Variants in CEP70 observed in about 807,000 individuals in gnomAD.
CEP70 encodes centrosomal protein 70.
CEP70 carries 70 observed loss-of-function variants against 90.9 expected under a neutral mutation model. That is an observed-to-expected ratio of 0.77 (90% confidence interval 0.64 to 0.94). CEP70 has a LOEUF of 0.94. Ranked by LOEUF, CEP70 falls within the 40% of genes least tolerant of loss-of-function variation. CEP70 has a pLI of 0.00. For missense variants in CEP70, 648 were observed against 669.0 expected (o/e 0.97, Z 0.35); for synonymous variants, 220 against 228.3 (o/e 0.96, Z 0.33).
chr3:138,541,430 G>GAAAAAAA (rs36091559), intron 6 of CEP70, among the ~76,000 whole-genome samples: 1 of 144,536 alleles, frequency 6.9e-6, no homozygotes, highest in African/African-American at 2.5e-5. Flanking sequence ...AAAAGAAAAA[G>GAAAAAAA]AAAAAAAAAA....
intron 2 of CEP70, among the ~76,000 whole-genome samples, chr3:138,574,498 C>T (rs1459959749): frequency 6.6e-6 from 1 of 152,250 alleles, no homozygotes; most frequent in Admixed American, 6.5e-5. Flanking sequence ...TCTGTAGACT[C>T]CACCTCTGGG....
chr3:138,559,069 T>C (rs547978570), intron 6 of CEP70, among the ~76,000 whole-genome samples: 10 of 152,282 alleles, frequency 6.6e-5, no homozygotes, highest in African/African-American at 2.4e-4. Flanking sequence ...AAATTTAATA[T>C]ATTCAGAGAC....
In CEP70 at chr3:138,571,023, C is replaced by A; in HGVS notation, c.284+11G>T. ...CAAACAATTCAAAAGAAATCTTTTC[C>A]ATTTTCTCACCTAAGCTGTTGATTA... On this transcript the variant is annotated intron_variant, in intron 5 of 17. Coordinates refer to ENST00000264982, the MANE Select transcript of CEP70 (RefSeq NM_024491.4). 1 of 1,518,308 alleles carries A rather than the reference C, an allele frequency of 6.6e-7. No individual in the cohort carries two copies. Among genetic ancestry groups the A allele is most frequent in the South Asian group, 1.4e-5 (1 of 72,454 alleles). The allele number at this position is 1,518,308 out of a possible 1,614,324, so 94.1% of individuals were successfully genotyped here.
In CEP70 at chr3:138,591,929, A is replaced by T; in HGVS notation, c.-81T>A. On this transcript the variant is annotated 5_prime_UTR_variant, in exon 2 of 18. Coordinates refer to ENST00000264982, the MANE Select transcript of CEP70 (RefSeq NM_024491.4). ...ATCTCAATGAAATGATCACCCAACG[A>T]GTCTCATGTCTGAAACTGGATCTTC... 8.0e-7 allele frequency: 1 copy of T among 1,254,436 alleles called. No homozygotes were observed. Among genetic ancestry groups the T allele is most frequent in the Admixed American group, 2.8e-5 (1 of 35,166 alleles). The allele number at this position is 1,254,436 out of a possible 1,614,324, so 77.7% of individuals were successfully genotyped here. A position where few individuals can be genotyped will look rare whatever the true frequency, so the allele number is the denominator to read the frequency against.
In CEP70 at chr3:138,571,283, T is replaced by G. The variant is rs576248723; in HGVS notation, c.143A>C (p.Lys48Thr). 1.2e-6 allele frequency: 2 copies of G among 1,609,440 alleles called. No individual in the cohort carries two copies. Among genetic ancestry groups the G allele is most frequent in the East Asian group, 2.2e-5 (1 of 44,720 alleles). Residue 48 changes from lysine (K) to threonine (T), a missense_variant, in exon 4 of 18, where the codon AAA becomes ACA. Lys to Thr is a moderately conservative substitution (Grantham distance 78). Coordinates refer to ENST00000264982, the MANE Select transcript of CEP70 (RefSeq NM_024491.4). ...MHGLKPLSLV[K>T]RTDLKDLIIF... ...CTAATTACCTTTGAGATCTGTTCTTTTGACTAGAGACAAAGGTTTTAAGCC... is the reference window on the plus strand; with the variant it reads ...CTAATTACCTTTGAGATCTGTTCTTGTGACTAGAGACAAAGGTTTTAAGCC...
intron 6 of CEP70, among the ~76,000 whole-genome samples, chr3:138,546,476 C>T (rs545342558): frequency 2.9e-4 from 44 of 152,264 alleles, no homozygotes; most frequent in African/African-American, 8.9e-4. Context: ...TAGCCAGATG[C>T]GGTGGCTCAT....
At position 138,513,228 on chromosome 3, in the gene CEP70, C is replaced by T. The variant is rs1339850924; in HGVS notation, c.945-4684G>A. ...CGAGACAGTTGCAGTCAAGGACACGCCACCTCCTTTCCTTCCTGAAAGCTA... is the reference window on the plus strand; with the variant it reads ...CGAGACAGTTGCAGTCAAGGACACGTCACCTCCTTTCCTTCCTGAAAGCTA... On this transcript the variant is annotated intron_variant, in intron 11 of 17. Coordinates refer to ENST00000264982, the MANE Select transcript of CEP70 (RefSeq NM_024491.4). 2.0e-5 allele frequency among the ~76,000 whole-genome samples: 3 copies of T among 152,274 alleles called. No individual in the cohort carries two copies. In the East Asian group the frequency reaches 5.8e-4, roughly 29 times the overall value.
intron 2 of CEP70, among the ~76,000 whole-genome samples, chr3:138,583,812 C>A (rs538637012): frequency 6.6e-6 from 1 of 152,026 alleles, no homozygotes; most frequent in South Asian, 2.1e-4. Context: ...GAAAACAGTA[C>A]TGAGAGAAAT....
intron 11 of CEP70, among the ~76,000 whole-genome samples, chr3:138,512,252 G>A (rs553592090): frequency 6.6e-6 from 1 of 152,250 alleles, no homozygotes; most frequent in Admixed American, 6.5e-5. Context: ...CCAGGGTACT[G>A]CTGCTCATTC....
At chr3:138,583,331 C>T (rs574398965) in intron 2 of CEP70, among the ~76,000 whole-genome samples, 5 of 152,170 alleles carry the variant, frequency 3.3e-5, no homozygotes, top group African/African-American at 9.6e-5. Flanking sequence ...TATTAGAGCT[C>T]GAGAGATAAA....
At chr3:138,587,745 T>G (rs1337904504) in intron 2 of CEP70, among the ~76,000 whole-genome samples, 1 of 152,152 alleles carries the variant, frequency 6.6e-6, no homozygotes, top group East Asian at 1.9e-4. Flanking sequence ...CACTGCACTC[T>G]AGGCTGGGTG....
Position 138,508,164 on chromosome 3 carries a change from G to A in CEP70, c.1050+275C>T, listed in dbSNP as rs142657154. 7.1e-4 allele frequency among the ~76,000 whole-genome samples: 108 copies of A among 152,232 alleles called. No homozygotes were observed. In the Middle Eastern group the frequency reaches 0.01, roughly 14 times the overall value. On this transcript the variant is annotated intron_variant, in intron 12 of 17. Coordinates refer to ENST00000264982, the MANE Select transcript of CEP70 (RefSeq NM_024491.4). ...AATACGAGGGAAAATGGCTTACATGGGGAAAGTAGGGAAAAGGATTATAGA... is the reference window on the plus strand; with the variant it reads ...AATACGAGGGAAAATGGCTTACATGAGGAAAGTAGGGAAAAGGATTATAGA...
At chr3:138,538,571 C>T (rs1379172722) in intron 6 of CEP70, among the ~76,000 whole-genome samples, 1 of 152,144 alleles carries the variant, frequency 6.6e-6, no homozygotes, top group Non-Finnish European at 1.5e-5. Flanking sequence ...ACAGTGAAAA[C>T]TGAAATAACT....
chr3:138,522,557 A>T (rs2036775910), intron 11 of CEP70, among the ~76,000 whole-genome samples: 1 of 152,226 alleles, frequency 6.6e-6, no homozygotes, highest in African/African-American at 2.4e-5. Flanking sequence ...CACAGATCCC[A>T]CAGAAATACA....
intron 11 of CEP70, among the ~76,000 whole-genome samples, chr3:138,522,144 C>T (rs544169878): frequency 2.0e-5 from 3 of 152,106 alleles, no homozygotes; most frequent in Admixed American, 1.3e-4. Context: ...GCAAACACTG[C>T]GGAAGGCCGC....
At chr3:138,525,366 T>C (rs1214096243) in intron 11 of CEP70, 124 bp downstream of exon 11, 2 of 282,044 alleles carry the variant, frequency 7.1e-6, no homozygotes, top group African/African-American at 4.5e-5. Flanking sequence ...TATACATATG[T>C]AACTAACCTG....
chr3:138,540,292 C>T (rs940967081), intron 6 of CEP70, among the ~76,000 whole-genome samples: 11 of 151,924 alleles, frequency 7.2e-5, no homozygotes, highest in Non-Finnish European at 1.3e-4. Context: ...GCCAGGAGTT[C>T]GAGACCAGCC....
intron 6 of CEP70, among the ~76,000 whole-genome samples, chr3:138,541,463 T>G (rs1028157221): frequency 6.6e-6 from 1 of 151,558 alleles, no homozygotes; most frequent in African/African-American, 2.4e-5. Flanking sequence ...AGAATATTAT[T>G]CTCAGCAAAG....
At chr3:138,523,251 A>G (rs1396346083) in intron 11 of CEP70, among the ~76,000 whole-genome samples, 2 of 152,214 alleles carry the variant, frequency 1.3e-5, no homozygotes, top group Non-Finnish European at 2.9e-5. Context: ...ATTTATGACA[A>G]ACCCACAGCC....
Sources: allele counts gnomAD v4.1 joint callset (sites outside exome capture counted in the v4.1 genomes callset), GRCh38; gene constraint gnomAD v4.1.1; transcripts MANE v1.5; gene names NCBI Gene and HGNC (gene_info 2026-07-23, HGNC 2026-07-21).